AFG3L2: variants seen among roughly 807,000 people sequenced by gnomAD.
AFG3L2 encodes the protein AFG3 like matrix AAA peptidase subunit 2.
Under a neutral mutation model 94.5 loss-of-function variants are expected in AFG3L2, and 54 were observed. The observed-to-expected ratio is 0.57, with a 90% CI of 0.46 to 0.72. AFG3L2 has a LOEUF of 0.72. Among genes scored for constraint, AFG3L2 ranks in the 30% least tolerant of loss-of-function variants. The pLI is 0.00. For missense variants in AFG3L2, 754 were observed against 994.9 expected (o/e 0.76, Z 3.26); for synonymous variants, 377 against 365.5 (o/e 1.03, Z -0.36).
chr18:12,377,172 GA>G lies in AFG3L2; in HGVS notation c.-91del. 3 of 1,043,682 alleles carry G rather than the reference GA, an allele frequency of 2.9e-6. No individual in the cohort carries two copies. The highest frequency in any genetic ancestry group is 2.8e-5 in the Admixed American group (1 of 36,176). The allele number at this position is 1,043,682 out of a possible 1,614,324, so 64.7% of individuals were successfully genotyped here. On this transcript the variant is annotated 5_prime_UTR_variant, in exon 1 of 17. Transcript: ENST00000269143. ...CCTCGGGAAGCGGGCTCGGCTCGGG[GA>G]AAGGCCGCCAGGCAGCGAAGCGCGC...
At chr18:12,337,643 C>CAAG (rs536602805) in intron 15 of AFG3L2, 108 bp from the exon 16 acceptor site, 7 of 953,618 alleles carry the variant, frequency 7.3e-6, no homozygotes, top group Non-Finnish European at 1.2e-5. Flanking sequence ...CTCTGTGTAG[C>CAAG]CAGCAGCAGC....
Position 12,371,703 on chromosome 18 carries a change from C to T in AFG3L2, c.115-12G>A, listed in dbSNP as rs916199175. Reference sequence around the variant, plus strand: ...ACAAATCGGTAAAGCTGCAACAAGACATAAAAATAAAACCATAGTTATATC... The same window carrying T: ...ACAAATCGGTAAAGCTGCAACAAGATATAAAAATAAAACCATAGTTATATC... On this transcript the variant is annotated splice_polypyrimidine_tract_variant and intron_variant, in intron 1 of 16. Coordinates refer to ENST00000269143, the MANE Select transcript of AFG3L2 (RefSeq NM_006796.3). 5 of 1,609,378 alleles carry T rather than the reference C, an allele frequency of 3.1e-6. No individual in the cohort carries two copies. In the African/African-American group the frequency reaches 6.7e-5, roughly 22 times the overall value.
intron 16 of AFG3L2, among the ~76,000 whole-genome samples, chr18:12,332,932 C>CTATATACTATATAATATATATTA (rs1907586883): frequency 2.7e-5 from 3 of 113,046 alleles, no homozygotes; most frequent in African/African-American, 6.8e-5. Flanking sequence ...ATAACATATA[C>CTATATACTATATAATATATATTA]TATATAACAT....
chr18:12,363,998 C>T (rs868801940), intron 5 of AFG3L2, 142 bp from the exon 6 acceptor site: 2 of 714,354 alleles, frequency 2.8e-6, no homozygotes, highest in African/African-American at 1.8e-5. Context: ...CATGTTCCCC[C>T]CTATAATTCT....
rs1338944198 is a variant in AFG3L2 at position 12,351,209 on chromosome 18, T to G, written c.1428A>C (p.Gly476=). 6.2e-7 allele frequency: 1 copy of G among 1,614,108 alleles called. No individual in the cohort carries two copies. The highest frequency in any genetic ancestry group is 1.7e-5 in the Admixed American group (1 of 60,000). The part of the protein sequence containing the change: ...PGRFDRQIFI[G]PPDIKGRASI... ...AAGCTCTTCCTTTTATGTCTGGTGG[T>G]CCTTTAGAAATCATTTTTAAGGAAA... Residue 476 remains glycine (G), a splice_region_variant and synonymous_variant, in exon 12 of 17, where the codon GGA becomes GGC. Transcript: ENST00000269143.
rs186708601 is a variant in AFG3L2 at position 12,331,535 on chromosome 18, G to A, written c.2176-1752C>T. Among the ~76,000 whole-genome samples, 11 of 152,238 alleles carry A rather than the reference G, an allele frequency of 7.2e-5. No homozygotes were observed. The East Asian group carries it at 2.1e-3, about 29-fold the overall frequency. ...AAAAAATATATGGCCACGCGCAATG[G>A]CTCACGCCTGTAATCCCAGCACTTT... is the stretch of plus-strand genomic sequence containing the variant. On this transcript the variant is annotated intron_variant, in intron 16 of 16. Transcript: ENST00000269143.
intron 6 of AFG3L2, among the ~76,000 whole-genome samples, chr18:12,361,876 G>T (rs1044503536): frequency 6.6e-6 from 1 of 152,256 alleles, no homozygotes; most frequent in African/African-American, 2.4e-5. Context: ...AACCTGCTCA[G>T]AATAGATTAA....
rs752662018 is a variant in AFG3L2, at chr18:12,353,121, G to A, written c.1202C>T (p.Pro401Leu). 151 of 1,614,028 alleles carry A rather than the reference G, an allele frequency of 9.4e-5. No individual in the cohort carries two copies. Among genetic ancestry groups the A allele is most frequent in the Non-Finnish European group, 7.6e-6 (9 of 1,180,032 alleles). The change falls in exon 10 of 17, where the codon CCT (proline) becomes CTT (leucine). Residue 401 changes from proline to leucine, a missense_variant. Coordinates refer to ENST00000269143, the MANE Select transcript of AFG3L2 (RefSeq NM_006796.3). ...DLFALARKNA[P>L]CILFIDEIDA... is the part of the protein sequence containing the mutation. ...GATTTCATCGATGAAGAGGATGCAA[G>A]GGGCATTCTTCCGAGCAAGGGCAAA...
intron 13 of AFG3L2, among the ~76,000 whole-genome samples, chr18:12,346,860 A>G (rs2143150410): frequency 7.0e-6 from 1 of 142,458 alleles, no homozygotes; most frequent in African/African-American, 2.7e-5. Context: ...GCCAAGATCA[A>G]GCCACTGCAC....
intron 12 of AFG3L2, among the ~76,000 whole-genome samples, chr18:12,350,538 AAAGT>A (rs1908282804): frequency 6.6e-6 from 1 of 152,222 alleles, no homozygotes; most frequent in Admixed American, 6.5e-5. Flanking sequence ...GGTATAGATA[AAAGT>A]AAGGTCAGAT....
chr18:12,373,516 G>C (rs1435569976), intron 1 of AFG3L2, among the ~76,000 whole-genome samples: 1 of 152,166 alleles, frequency 6.6e-6, no homozygotes, highest in East Asian at 1.9e-4. Flanking sequence ...GTGGTGCAGA[G>C]GTAATATGAA....
At chr18:12,371,712 A>C (rs763489410) in intron 1 of AFG3L2, 21 bp from the exon 2 acceptor site, 2 of 1,599,290 alleles carry the variant, frequency 1.3e-6, no homozygotes, top group Admixed American at 3.3e-5. Flanking sequence ...ACATAAAAAT[A>C]AAACCATAGT....
At position 12,337,966 on chromosome 18, in the gene AFG3L2, T is replaced by C. The variant is rs560937734; in HGVS notation, c.1981-431A>G. Among the ~76,000 whole-genome samples the C allele has an allele frequency of 1.9e-4, 29 of 152,284 alleles. No individual in the cohort carries two copies. In the South Asian group the frequency reaches 5.8e-3, roughly 30 times the overall value. The stretch of plus-strand genomic sequence containing the variant: ...TGTATTTTTAATAGAGACGGGTTTT[T>C]GTCATGTTGGCCAGGCTGGTCTTGA... On this transcript the variant is annotated intron_variant, in intron 15 of 16. Coordinates refer to ENST00000269143, the MANE Select transcript of AFG3L2 (RefSeq NM_006796.3).
At position 12,329,590 on chromosome 18, in the gene AFG3L2, G is replaced by A. The variant is rs752878017; in HGVS notation, c.2369C>T (p.Pro790Leu). 12 of 1,614,014 alleles carry A rather than the reference G, an allele frequency of 7.4e-6. No individual in the cohort carries two copies. The highest frequency in any genetic ancestry group is 1.3e-5 in the African/African-American group (1 of 75,002). The change falls in exon 17 of 17, where the codon CCC becomes CTC. Residue 790 changes from proline (P) to leucine (L), a missense_variant. Physicochemically the swap from Pro to Leu is moderately conservative, Grantham distance 98. Coordinates refer to ENST00000269143, the MANE Select transcript of AFG3L2 (RefSeq NM_006796.3). Reference sequence around the variant, plus strand: ...CTAGTTGGCAACTTTCTCACCCGGGGGCTCCTCTTTCTCCTTTTCCCGCTC... The same window carrying A: ...CTAGTTGGCAACTTTCTCACCCGGGAGCTCCTCTTTCTCCTTTTCCCGCTC... ...NKEREKEKEE[P>L]PGEKVAN
At chr18:12,355,178 G>C (rs978369377) in intron 9 of AFG3L2, among the ~76,000 whole-genome samples, 1 of 147,868 alleles carries the variant, frequency 6.8e-6, no homozygotes, top group Non-Finnish European at 1.5e-5. Context: ...CAGCCTGGGC[G>C]ACAGAGCAAG....
chr18:12,374,736 TG>T (rs1182616968), intron 1 of AFG3L2, among the ~76,000 whole-genome samples: 1 of 152,172 alleles, frequency 6.6e-6, no homozygotes, highest in Non-Finnish European at 1.5e-5. Flanking sequence ...TGGAACTGTA[TG>T]TCTGAATCCA....
intron 1 of AFG3L2, among the ~76,000 whole-genome samples, chr18:12,373,569 T>C (rs1416281054): frequency 6.6e-6 from 1 of 152,170 alleles, no homozygotes; most frequent in Non-Finnish European, 1.5e-5. Flanking sequence ...TCCTTTCTGT[T>C]CCGCTATAAC....
intron 15 of AFG3L2, among the ~76,000 whole-genome samples, chr18:12,338,540 C>T (rs1010513699): frequency 1.3e-5 from 2 of 152,030 alleles, no homozygotes; most frequent in African/African-American, 4.8e-5. Flanking sequence ...AGAGAAGGCC[C>T]AGATAAGAGT....
chr18:12,348,929 C>G (rs1908227759), intron 12 of AFG3L2, among the ~76,000 whole-genome samples: 1 of 152,178 alleles, frequency 6.6e-6, no homozygotes, highest in Non-Finnish European at 1.5e-5. Context: ...AGCATACCAT[C>G]TGTGTTAAAT....
Sources: allele counts gnomAD v4.1 joint callset (sites outside exome capture counted in the v4.1 genomes callset), GRCh38; gene constraint gnomAD v4.1.1; transcripts MANE v1.5; gene names NCBI Gene and HGNC (gene_info 2026-07-23, HGNC 2026-07-21).